The following NDST4 variants were observed in gnomAD, a reference collection of about 807,000 sequenced individuals.
NDST4 encodes N-heparan sulfate sulfotransferase 4.
In NDST4, 63 loss-of-function variants were observed where a neutral mutation model predicts 100.8. The ratio of observed to expected loss-of-function variants is 0.62; its 90% CI spans 0.51 to 0.77. The LOEUF (loss-of-function observed/expected upper bound fraction) is 0.77. Ranked by LOEUF, NDST4 falls within the 30% of genes least tolerant of loss-of-function variation. NDST4 has a pLI of 0.00. For missense variants in NDST4, 943 were observed against 1,018.4 expected (o/e 0.93, Z 1.01); for synonymous variants, 377 against 361.8 (o/e 1.04, Z -0.48).
chr4:115,006,553 A>G (rs767780632), intron 2 of NDST4, among the ~76,000 whole-genome samples: 9 of 152,160 alleles, frequency 5.9e-5, no homozygotes, highest in Non-Finnish European at 1.2e-4. Context: ...TTAAATCCCT[A>G]ATTTTTCTTT....
chr4:114,854,923 T>C (rs1236007737), intron 7 of NDST4, among the ~76,000 whole-genome samples: 1 of 152,224 alleles, frequency 6.6e-6, no homozygotes, highest in Non-Finnish European at 1.5e-5. Context: ...CCCTTTTCTC[T>C]ACATCTTAAC....
chr4:114,878,237 T>C (rs1234952150), intron 6 of NDST4, among the ~76,000 whole-genome samples: 1 of 152,180 alleles, frequency 6.6e-6, no homozygotes. Flanking sequence ...GGAGCTCTAT[T>C]GCTCCATGTG....
At chr4:114,828,123 A>C (rs1374792381) in intron 13 of NDST4, among the ~76,000 whole-genome samples, 188 bp from the exon 14 acceptor site, 1 of 152,156 alleles carries the variant, frequency 6.6e-6, no homozygotes, top group African/African-American at 2.4e-5. Flanking sequence ...GTGTAGCTAA[A>C]AATAGAAATA....
chr4:115,054,100 A>G (rs1665276604), intron 2 of NDST4, among the ~76,000 whole-genome samples: 2 of 151,790 alleles, frequency 1.3e-5, no homozygotes, highest in Admixed American at 1.3e-4. Flanking sequence ...AAGTTTTAAA[A>G]TTTTGTAATA....
intron 2 of NDST4, among the ~76,000 whole-genome samples, chr4:115,040,334 T>A (rs890756201): frequency 6.7e-6 from 1 of 148,346 alleles, no homozygotes; most frequent in African/African-American, 2.5e-5. Flanking sequence ...CTTCTCTACA[T>A]CCATACGAGA....
chr4:114,832,504 TTTTG>T (rs1427019450), intron 12 of NDST4, among the ~76,000 whole-genome samples: 2 of 152,190 alleles, frequency 1.3e-5, no homozygotes, highest in African/African-American at 4.8e-5. Flanking sequence ...GGCTACTTGT[TTTTG>T]TTTGTTATTC....
rs769150559 is a variant in NDST4 at position 114,845,872 on chromosome 4, A to G, written c.2066T>C (p.Ile689Thr). 6.2e-7 allele frequency: 1 copy of G among 1,614,102 alleles called. No homozygotes were observed. Among genetic ancestry groups the G allele is most frequent in the South Asian group, 1.1e-5 (1 of 91,082 alleles). Residue 689 changes from isoleucine to threonine, a missense_variant, in exon 10 of 14, where the codon ATC (isoleucine) becomes ACC (threonine). Coordinates refer to ENST00000264363, the MANE Select transcript of NDST4 (RefSeq NM_022569.3). ...TGAGGGGTCAATGAGGATGGTGATG[A>G]TCTTGGCTTTGGGGACAAGAGATGC... ...RAASLVPKAK[I>T]ITILIDPSDR... is the part of the protein sequence containing the mutation.
chr4:115,039,150 A>G (rs1293172717), intron 2 of NDST4, among the ~76,000 whole-genome samples: 1 of 152,158 alleles, frequency 6.6e-6, no homozygotes, highest in Non-Finnish European at 1.5e-5. Context: ...GGTAGGGCCA[A>G]ACTACCTATA....
chr4:115,076,685 G>A lies in NDST4; in HGVS notation c.352C>T (p.Pro118Ser), dbSNP rs1729191929. 1.2e-6 allele frequency: 2 copies of A among 1,613,880 alleles called. No individual in the cohort carries two copies. The highest frequency in any genetic ancestry group is 1.7e-6 in the Non-Finnish European group (2 of 1,179,894). ...CCTTTGCCATTATCTGTAAGAGGAG[G>A]TATATCTCCCTTTCCAGGGGCAATA... ...MVIAPGKGDI[P>S]PLTDNGKGKY... The change falls in exon 2 of 14, where the codon CCT becomes TCT. Residue 118 changes from proline to serine, a missense_variant. Transcript: ENST00000264363.
At chr4:114,834,820 T>C (rs987972526) in intron 11 of NDST4, among the ~76,000 whole-genome samples, 1 of 152,228 alleles carries the variant, frequency 6.6e-6, no homozygotes, top group Non-Finnish European at 1.5e-5. Flanking sequence ...ATTTGACTTC[T>C]TCCTGGTTTA....
chr4:114,966,427 C>T lies in NDST4; in HGVS notation c.1221+4003G>A, dbSNP rs558850938. ...ATTACAAGAGAAAACAAACTCCATCCGGAAACATTTCAGAGAAATTCCACA... is the reference window on the plus strand; with the variant it reads ...ATTACAAGAGAAAACAAACTCCATCTGGAAACATTTCAGAGAAATTCCACA... On this transcript the variant is annotated intron_variant, in intron 4 of 13. Transcript: ENST00000264363. Among the ~76,000 whole-genome samples the T allele has an allele frequency of 5.7e-4, 86 of 150,826 alleles. 2 individuals carry two copies. In the South Asian group the frequency reaches 8.3e-3, roughly 15 times the overall value.
chr4:114,890,715 C>A (rs913283296), intron 6 of NDST4, among the ~76,000 whole-genome samples: 2 of 152,046 alleles, frequency 1.3e-5, no homozygotes, highest in Admixed American at 1.3e-4. Flanking sequence ...AAGGTTAATC[C>A]TCTGTGTTCG....
At chr4:115,035,551 G>A (rs1202942389) in intron 2 of NDST4, among the ~76,000 whole-genome samples, 1 of 151,898 alleles carries the variant, frequency 6.6e-6, no homozygotes, top group Non-Finnish European at 1.5e-5. Context: ...GTAATGAATA[G>A]CAAATTGTGG....
At chr4:114,854,522 G>T (rs1331901169) in intron 7 of NDST4, among the ~76,000 whole-genome samples, 2 of 152,086 alleles carry the variant, frequency 1.3e-5, no homozygotes, top group African/African-American at 4.8e-5. Context: ...AGGCTGGAGT[G>T]CAATGGCACA....
chr4:114,925,820 C>T (rs1037175556), intron 6 of NDST4, among the ~76,000 whole-genome samples: 1 of 152,164 alleles, frequency 6.6e-6, no homozygotes, highest in African/African-American at 2.4e-5. Context: ...ACATATTTGT[C>T]AAGAAAACAG....
At chr4:115,106,667 T>C (rs1729839272) in intron 1 of NDST4, among the ~76,000 whole-genome samples, 1 of 152,168 alleles carries the variant, frequency 6.6e-6, no homozygotes, top group Non-Finnish European at 1.5e-5. Context: ...CATCTATGTT[T>C]TAAAATACTT....
chr4:114,942,776 C>T (rs1237918908), intron 4 of NDST4, among the ~76,000 whole-genome samples: 2 of 151,664 alleles, frequency 1.3e-5, no homozygotes, highest in Non-Finnish European at 2.9e-5. Context: ...TTGATGCTTC[C>T]AAGAATGATT....
chr4:115,016,995 ATGTG>A (rs140090585), intron 2 of NDST4, among the ~76,000 whole-genome samples: 7,908 of 146,280 alleles, frequency 0.054, 633 homozygotes, highest in African/African-American at 0.18. Context: ...TCATGTGTGT[ATGTG>A]TGTGTGTGTG....
chr4:114,933,425 T>C (rs1725554492), intron 6 of NDST4, among the ~76,000 whole-genome samples: 1 of 140,702 alleles, frequency 7.1e-6, no homozygotes, highest in Non-Finnish European at 1.5e-5. Context: ...ATTGATTTTT[T>C]CTTTTCCTTT....
Sources: gnomAD v4.1 joint callset for allele counts (sites outside exome capture counted in the v4.1 genomes callset) on GRCh38, gnomAD v4.1.1 for gene constraint, MANE v1.5 for transcripts, NCBI Gene and HGNC (gene_info 2026-07-23, HGNC 2026-07-21) for gene names.